PPP1CC: variants seen among roughly 807,000 people sequenced by gnomAD.
PPP1CC encodes the protein protein phosphatase 1 catalytic subunit gamma.
PPP1CC carries 16 observed loss-of-function variants against 38.4 expected under a neutral mutation model. The ratio of observed to expected loss-of-function variants is 0.42; its 90% CI spans 0.28 to 0.63. PPP1CC has a LOEUF of 0.63. Among genes scored for constraint, PPP1CC ranks in the 30% least tolerant of loss-of-function variants. PPP1CC has a pLI of 0.25. For synonymous variants in PPP1CC, 158 were observed against 136.0 expected (o/e 1.16, Z -1.13); for missense variants, 170 against 391.3 (o/e 0.43, Z 4.77).
intron 3 of PPP1CC, among the ~76,000 whole-genome samples, chr12:110,729,192 C>CTTTTTTT (rs1026282471): frequency 4.2e-5 from 5 of 120,288 alleles, no homozygotes; most frequent in African/African-American, 1.4e-4. Context: ...ATTTTCAAAG[C>CTTTTTTT]TTTTTTTTTT....
chr12:110,736,134 A>G (rs1047711280), intron 1 of PPP1CC, among the ~76,000 whole-genome samples: 3 of 152,132 alleles, frequency 2.0e-5, no homozygotes, highest in Admixed American at 1.3e-4. Context: ...AAGCAACACC[A>G]ACTTAGACCT....
At chr12:110,725,018 G>A in intron 3 of PPP1CC, 1 of 278,068 alleles carries the variant, frequency 3.6e-6, no homozygotes, top group Non-Finnish European at 7.0e-6. Context: ...GAGCCCAGGA[G>A]TTCAAGACCA....
rs2069716289 is a variant in PPP1CC, at chr12:110,719,687, C to T, written c.*1389G>A. 2 of 154,308 alleles carry T rather than the reference C, an allele frequency of 1.3e-5. No individual in the cohort carries two copies. 9.6% of individuals were successfully genotyped at this position (154,308 alleles called of 1,614,324 possible). A position where few individuals can be genotyped will look rare whatever the true frequency, so the allele number is the denominator to read the frequency against. ...AAATGGTAGAGGAGGATCGTTCCAC[C>T]TCATCACTCTATTACACAAATAGAT... On this transcript the variant is annotated 3_prime_UTR_variant, in exon 7 of 7. Transcript: ENST00000335007.
intron 1 of PPP1CC, 23 bp downstream of exon 1, chr12:110,742,630 C>G: frequency 7.2e-7 from 1 of 1,391,188 alleles, no homozygotes; most frequent in Non-Finnish European, 9.5e-7. Context: ...CCTCCCCCTT[C>G]AGCCGCCCGC....
Position 110,720,390 on chromosome 12 carries a change from A to G in PPP1CC, c.*686T>C, listed in dbSNP as rs958207148. On this transcript the variant is annotated 3_prime_UTR_variant, in exon 7 of 7. Coordinates refer to ENST00000335007, the MANE Select transcript of PPP1CC (RefSeq NM_002710.4). Reference sequence around the variant, plus strand: ...ACCACCTTGTACTTAGGGGTGTGTCAAAACATAATTCAACAGAAACTTTGG... The same window carrying G: ...ACCACCTTGTACTTAGGGGTGTGTCGAAACATAATTCAACAGAAACTTTGG... 8.2e-6 allele frequency: 4 copies of G among 489,304 alleles called. No individual in the cohort carries two copies. The highest frequency in any genetic ancestry group is 2.0e-5 in the African/African-American group (1 of 50,448). 30.3% of individuals were successfully genotyped at this position (489,304 alleles called of 1,614,324 possible).
the PPP1CC span, among the ~76,000 whole-genome samples, chr12:110,712,624 A>AGAAACTGT: frequency 7.9e-6 from 1 of 127,240 alleles, no homozygotes; most frequent in East Asian, 2.7e-4. Context: ...TGGGCGACAG[A>AGAAACTGT]GAAACTGTCT....
At chr12:110,730,286 G>C (rs2069857366) in intron 3 of PPP1CC, among the ~76,000 whole-genome samples, 1 of 152,228 alleles carries the variant, frequency 6.6e-6, no homozygotes, top group African/African-American at 2.4e-5. Context: ...TTGAGCCTGG[G>C]AGGCAGAGGT....
chr12:110,721,267 C>T, intron 6 of PPP1CC, 102 bp from the exon 7 acceptor site: 1 of 932,736 alleles, frequency 1.1e-6, no homozygotes, highest in South Asian at 1.5e-5. Context: ...GTGTTCACAA[C>T]TGCCCCAACA....
At chr12:110,718,172 C>T (rs2069701988), downstream of PPP1CC, among the ~76,000 whole-genome samples, 1 of 152,148 alleles carries the variant, frequency 6.6e-6, no homozygotes, top group Non-Finnish European at 1.5e-5. Flanking sequence ...CAAGGTACTT[C>T]AAGAACAAGG....
At chr12:110,735,356 G>C (rs1344189807) in intron 1 of PPP1CC, among the ~76,000 whole-genome samples, 1 of 152,128 alleles carries the variant, frequency 6.6e-6, no homozygotes, top group Non-Finnish European at 1.5e-5. Flanking sequence ...TAGGAAGTCA[G>C]GCACTGTCAT....
chr12:110,728,792 C>T (rs1240727039), intron 3 of PPP1CC, among the ~76,000 whole-genome samples: 2 of 152,210 alleles, frequency 1.3e-5, no homozygotes, highest in Non-Finnish European at 1.5e-5. Flanking sequence ...TCCTGCCACC[C>T]CATCTTATCA....
chr12:110,735,361 T>C (rs2069931266), intron 1 of PPP1CC, among the ~76,000 whole-genome samples: 2 of 152,214 alleles, frequency 1.3e-5, no homozygotes, highest in Admixed American at 6.5e-5. Flanking sequence ...AGTCAGGCAC[T>C]GTCATCTCCC....
At chr12:110,709,265 T>G in the PPP1CC span, among the ~76,000 whole-genome samples, 247 of 152,222 alleles carry the variant, frequency 1.6e-3, no homozygotes, top group Non-Finnish European at 2.6e-3. Context: ...AGTCTCCCTC[T>G]GTTGCCCAGG....
At chr12:110,718,200 G>A (rs1480663543), downstream of PPP1CC, among the ~76,000 whole-genome samples, 1 of 152,106 alleles carries the variant, frequency 6.6e-6, no homozygotes, top group Non-Finnish European at 1.5e-5. Context: ...GTGAGCATCT[G>A]TGCTGTCCAC....
At chr12:110,718,252 G>C (rs904240539), downstream of PPP1CC, among the ~76,000 whole-genome samples, 5 of 152,156 alleles carry the variant, frequency 3.3e-5, no homozygotes, top group African/African-American at 9.7e-5. Flanking sequence ...TACCAAATCA[G>C]CAATTTCTAT....
chr12:110,717,535 A>G (rs1369725821), downstream of PPP1CC, among the ~76,000 whole-genome samples: 1 of 152,062 alleles, frequency 6.6e-6, no homozygotes, highest in Non-Finnish European at 1.5e-5. Context: ...CTGGGACTAC[A>G]TGCGCCCATC....
chr12:110,737,503 A>G (rs956366152), intron 1 of PPP1CC, among the ~76,000 whole-genome samples: 1 of 145,700 alleles, frequency 6.9e-6, no homozygotes, highest in Non-Finnish European at 1.5e-5. Context: ...AAAAAAAAAG[A>G]AAAGAAAAGA....
intron 1 of PPP1CC, chr12:110,734,748 G>A (rs962353142): frequency 1.3e-5 from 2 of 153,626 alleles, no homozygotes; most frequent in Non-Finnish European, 2.9e-5. Flanking sequence ...TTCAAAGTAT[G>A]AAAATCTAGA....
chr12:110,741,935 G>C (rs1490171138), intron 1 of PPP1CC, among the ~76,000 whole-genome samples: 2 of 152,222 alleles, frequency 1.3e-5, no homozygotes, highest in African/African-American at 2.4e-5. Context: ...TGGACGCAAA[G>C]TGCTTAAGAC....
Sources: gnomAD v4.1 joint callset for allele counts (sites outside exome capture counted in the v4.1 genomes callset) on GRCh38, gnomAD v4.1.1 for gene constraint, MANE v1.5 for transcripts, NCBI Gene and HGNC (gene_info 2026-07-23, HGNC 2026-07-21) for gene names.